The following SLC26A3 variants were observed in gnomAD, a reference collection of about 807,000 sequenced individuals.
SLC26A3 encodes the protein solute carrier family 26 member 3.
SLC26A3 carries 64 observed loss-of-function variants against 85.6 expected under a neutral mutation model. The ratio of observed to expected loss-of-function variants is 0.75; its 90% CI spans 0.61 to 0.92. The LOEUF (loss-of-function observed/expected upper bound fraction) is 0.92. SLC26A3 is among the 40% of genes least tolerant of loss of function. The pLI, the probability that SLC26A3 is intolerant of heterozygous loss-of-function variation, is 0.00. For missense variants in SLC26A3, 922 were observed against 927.3 expected (o/e 0.99, Z 0.07); for synonymous variants, 349 against 336.0 (o/e 1.04, Z -0.42).
intron 11 of SLC26A3, among the ~76,000 whole-genome samples, chr7:107,781,852 T>C (rs768357896): frequency 6.6e-6 from 1 of 152,154 alleles, no homozygotes; most frequent in Non-Finnish European, 1.5e-5. Context: ...CTCTATGTCT[T>C]TTATAGCCAG....
At chr7:107,769,487 A>G (rs1793968650) in intron 18 of SLC26A3, among the ~76,000 whole-genome samples, 2 of 152,204 alleles carry the variant, frequency 1.3e-5, no homozygotes, top group Non-Finnish European at 2.9e-5. Context: ...CAGAAAACCA[A>G]ATACTGCATA....
At position 107,785,226 on chromosome 7, in the gene SLC26A3, T is replaced by C. The variant is rs150043623; in HGVS notation, c.971+1601A>G. Among the ~76,000 whole-genome samples the C allele has an allele frequency of 4.7e-3, 713 of 152,326 alleles. 2 individuals carry two copies. Among genetic ancestry groups the C allele is most frequent in the Admixed American group, 0.012 (191 of 15,300 alleles). ...AAAGAATCCTACTTGATAGCTATTATTTTTAGCCTCATATTTACAGCCAAG... is the reference window on the plus strand; with the variant it reads ...AAAGAATCCTACTTGATAGCTATTACTTTTAGCCTCATATTTACAGCCAAG... On this transcript the variant is annotated intron_variant, in intron 8 of 20. Transcript: ENST00000340010.
At chr7:107,769,810 G>A (rs1793974342) in intron 18 of SLC26A3, among the ~76,000 whole-genome samples, 1 of 152,086 alleles carries the variant, frequency 6.6e-6, no homozygotes, top group Non-Finnish European at 1.5e-5. Context: ...GATTAAGGAT[G>A]CCAATTTTAT....
intron 18 of SLC26A3, among the ~76,000 whole-genome samples, chr7:107,771,413 T>C (rs919324972): frequency 1.3e-5 from 2 of 152,092 alleles, no homozygotes; most frequent in Non-Finnish European, 2.9e-5. Context: ...GGAAATTGAC[T>C]AGAAAGAGTC....
rs781561601 is a variant in SLC26A3, at chr7:107,789,676, T to C, written c.583A>G (p.Ile195Val). The C allele has an allele frequency of 1.5e-5, 25 of 1,613,304 alleles. No homozygotes were observed. In the South Asian group the frequency reaches 1.7e-4, roughly 11 times the overall value. The change falls in exon 6 of 21, where the codon ATT (isoleucine) becomes GTT (valine). Residue 195 changes from isoleucine to valine, a missense_variant. By Grantham distance (29) the Ile-to-Val change is conservative (BLOSUM62 3). Transcript: ENST00000340010. ...ATCACTACAAATCCAATCCGCAGAA[T>C]CCCAAAAGCCAACTGGAAAGAGAAC... ...LSGIIQLAFG[I>V]LRIGFVVIYL...
At chr7:107,782,454 G>A (rs1794228295) in intron 11 of SLC26A3, among the ~76,000 whole-genome samples, 1 of 152,118 alleles carries the variant, frequency 6.6e-6, no homozygotes, top group African/African-American at 2.4e-5. Context: ...TAGATAGAGG[G>A]CCTGATTACC....
intron 8 of SLC26A3, among the ~76,000 whole-genome samples, chr7:107,785,342 A>C (rs1165730468): frequency 1.3e-5 from 2 of 152,162 alleles, no homozygotes; most frequent in Non-Finnish European, 2.9e-5. Context: ...AGAACACTGG[A>C]GCTTACCTAC....
At chr7:107,774,959 T>A in intron 15 of SLC26A3, 87 bp from the exon 16 acceptor site, 1 of 1,005,630 alleles carries the variant, frequency 9.9e-7, no homozygotes, top group South Asian at 1.3e-5. Context: ...TGGAGTGATT[T>A]GAGGGATTGG....
Position 107,789,644 on chromosome 7 carries a change from C to G in SLC26A3, c.615G>C (p.Leu205=), listed in dbSNP as rs1794359668. ...TGAAGCCACTGATGAGGGACTCAGA[C>G]AGGTATATCACTACAAATCCAATCC... ...ILRIGFVVIY[L]SESLISGFTT... is the part of the protein sequence containing the mutation. Residue 205 remains leucine, a synonymous_variant, in exon 6 of 21, where the codon CTG becomes CTC. Transcript: ENST00000340010. 3 of 1,614,040 alleles carry G rather than the reference C, an allele frequency of 1.9e-6. No homozygotes were observed. The highest frequency in any genetic ancestry group is 2.7e-5 in the African/African-American group (2 of 75,024).
intron 6 of SLC26A3, among the ~76,000 whole-genome samples, chr7:107,788,372 C>G (rs1022025869): frequency 6.6e-6 from 1 of 152,126 alleles, no homozygotes; most frequent in African/African-American, 2.4e-5. Flanking sequence ...ACTATCTGTT[C>G]TACTTTGCAT....
intron 11 of SLC26A3, 26 bp downstream of exon 11, chr7:107,782,771 G>C: frequency 6.2e-7 from 1 of 1,602,576 alleles, no homozygotes; most frequent in Non-Finnish European, 8.6e-7. Flanking sequence ...ACTAAAAGTA[G>C]AGATGCTATC....
At chr7:107,792,766 G>A (rs1282078387) in intron 3 of SLC26A3, among the ~76,000 whole-genome samples, 4 of 152,108 alleles carry the variant, frequency 2.6e-5, no homozygotes, top group Non-Finnish European at 5.9e-5. Context: ...ATTTAAAAAC[G>A]TGTACTTCAA....
At chr7:107,787,951 C>T (rs1384799156) in intron 6 of SLC26A3, among the ~76,000 whole-genome samples, 1 of 152,174 alleles carries the variant, frequency 6.6e-6, no homozygotes, top group African/African-American at 2.4e-5. Flanking sequence ...GGGGGGTTTA[C>T]ACCCCCTCAT....
Position 107,767,645 on chromosome 7 carries a change from C to A in SLC26A3, c.2206-1G>T. 2 of 1,608,726 alleles carry A rather than the reference C, an allele frequency of 1.2e-6. No individual in the cohort carries two copies. The highest frequency in any genetic ancestry group is 2.2e-5 in the South Asian group (2 of 90,936). ...TAAAATCAATTTTTCCATCTTTTTC[C>A]TGAGAAAAAGAGAATGGAAATATGG... is the stretch of plus-strand genomic sequence containing the variant. On this transcript the variant is annotated splice_acceptor_variant, in intron 19 of 20. Coordinates refer to ENST00000340010, the MANE Select transcript of SLC26A3 (RefSeq NM_000111.3). LOFTEE classifies it high-confidence loss of function.
At chr7:107,766,080 A>C (rs919282301) in intron 20 of SLC26A3, among the ~76,000 whole-genome samples, 16 of 152,164 alleles carry the variant, frequency 1.1e-4, no homozygotes, top group Admixed American at 3.3e-4. Context: ...ACTTAACTTA[A>C]AGTAATGGTA....
chr7:107,779,092 AT>A (rs1293478675), intron 12 of SLC26A3, among the ~76,000 whole-genome samples: 1 of 152,242 alleles, frequency 6.6e-6, no homozygotes, highest in Non-Finnish European at 1.5e-5. Context: ...GAATTTTAGC[AT>A]GCCAAAAGGG....
intron 5 of SLC26A3, 57 bp downstream of exon 5, chr7:107,790,990 TG>T: frequency 6.4e-7 from 1 of 1,555,100 alleles, no homozygotes; most frequent in Non-Finnish European, 8.8e-7. Flanking sequence ...AATAGAGAGA[TG>T]TGTAACAGTC....
intron 6 of SLC26A3, among the ~76,000 whole-genome samples, chr7:107,788,431 T>C (rs1416800978): frequency 6.6e-6 from 1 of 152,194 alleles, no homozygotes; most frequent in African/African-American, 2.4e-5. Context: ...GTGGTAAATG[T>C]TCTTTTGTTT....
chr7:107,800,648 G>A (rs1180598214), intron 1 of SLC26A3, among the ~76,000 whole-genome samples: 1 of 152,246 alleles, frequency 6.6e-6, no homozygotes, highest in African/African-American at 2.4e-5. Flanking sequence ...CTATGACATA[G>A]TAAGTATACA....
Sources: allele counts gnomAD v4.1 joint callset (sites outside exome capture counted in the v4.1 genomes callset), GRCh38; gene constraint gnomAD v4.1.1; transcripts MANE v1.5; gene names NCBI Gene and HGNC (gene_info 2026-07-23, HGNC 2026-07-21).